The following IQCM variants were observed in gnomAD, a reference collection of about 807,000 sequenced individuals.
IQCM encodes the protein IQ motif containing M, also known as IQ domain-containing protein M.
In IQCM, 45 loss-of-function variants were observed where a neutral mutation model predicts 57.6. The observed-to-expected ratio is 0.78, with a 90% CI of 0.62 to 1.00. IQCM has a LOEUF of 1.00. Ranked by LOEUF, IQCM falls within the 50% of genes least tolerant of loss-of-function variation. IQCM has a pLI of 0.00. For missense variants in IQCM, 468 were observed against 511.6 expected (o/e 0.91, Z 0.82); for synonymous variants, 148 against 158.9 (o/e 0.93, Z 0.51).
intron 12 of IQCM, among the ~76,000 whole-genome samples, chr4:149,528,395 A>ATAC (rs755944757): frequency 0.21 from 32,544 of 152,084 alleles, 4,344 homozygotes; most frequent in Non-Finnish European, 0.29. Context: ...CAATTCTTTG[A>ATAC]GTTAAGGCAT....
intron 12 of IQCM, among the ~76,000 whole-genome samples, chr4:149,436,753 A>G (rs532052399): frequency 6.6e-6 from 1 of 151,980 alleles, no homozygotes; most frequent in African/African-American, 2.4e-5. Context: ...GCCATAAGGG[A>G]TTTAGATGTA....
chr4:149,560,458 T>C (rs1750010328), intron 10 of IQCM, among the ~76,000 whole-genome samples: 1 of 152,250 alleles, frequency 6.6e-6, no homozygotes, highest in Admixed American at 6.5e-5. Context: ...ATTATAAATA[T>C]TTAGAGAAAA....
At chr4:149,757,932 A>T (rs1769142879) in intron 2 of IQCM, among the ~76,000 whole-genome samples, 1 of 152,218 alleles carries the variant, frequency 6.6e-6, no homozygotes, top group Non-Finnish European at 1.5e-5. Flanking sequence ...ACTCCTGAAT[A>T]ACTCATTGAT....
chr4:149,677,021 G>A (rs544473674), intron 7 of IQCM, among the ~76,000 whole-genome samples: 1 of 151,990 alleles, frequency 6.6e-6, no homozygotes, highest in Non-Finnish European at 1.5e-5. Context: ...AAGAAAATTG[G>A]CACATCCACA....
chr4:149,546,671 G>GTT (rs1357983317), intron 12 of IQCM, among the ~76,000 whole-genome samples: 1 of 152,054 alleles, frequency 6.6e-6, no homozygotes, highest in African/African-American at 2.4e-5. Context: ...GGGGTTGTTT[G>GTT]TTTTTTTCTT....
intron 2 of IQCM, among the ~76,000 whole-genome samples, chr4:149,785,257 T>C (rs1412285288): frequency 6.6e-6 from 1 of 152,210 alleles, no homozygotes; most frequent in East Asian, 1.9e-4. Flanking sequence ...TAGAATTTTA[T>C]ACTCATCAAA....
intron 10 of IQCM, among the ~76,000 whole-genome samples, chr4:149,562,194 T>C (rs1252895286): frequency 2.0e-5 from 3 of 152,148 alleles, no homozygotes; most frequent in Non-Finnish European, 4.4e-5. Context: ...AAGGTAATAA[T>C]AGTGGAATTT....
chr4:149,800,873 G>T (rs1302224164), intron 2 of IQCM, among the ~76,000 whole-genome samples: 1 of 151,836 alleles, frequency 6.6e-6, no homozygotes, highest in Non-Finnish European at 1.5e-5. Flanking sequence ...TTTATGGATT[G>T]GAAGAGTCAA....
intron 8 of IQCM, among the ~76,000 whole-genome samples, chr4:149,620,071 C>T (rs1756189838): frequency 1.3e-5 from 2 of 152,082 alleles, no homozygotes; most frequent in African/African-American, 4.8e-5. Context: ...GCACAAGAAT[C>T]ACTTAAACCC....
chr4:149,400,223 T>C (rs748734499), intron 13 of IQCM, among the ~76,000 whole-genome samples: 1 of 151,268 alleles, frequency 6.6e-6, no homozygotes, highest in Non-Finnish European at 1.5e-5. Flanking sequence ...TTTGTTTGGG[T>C]TTTTGTTTTT....
At chr4:149,471,983 A>G (rs1438779341) in intron 12 of IQCM, among the ~76,000 whole-genome samples, 1 of 152,174 alleles carries the variant, frequency 6.6e-6, no homozygotes, top group African/African-American at 2.4e-5. Flanking sequence ...AAATAATAAG[A>G]GCTATTTATG....
chr4:149,571,131 T>C (rs941117961), intron 9 of IQCM, among the ~76,000 whole-genome samples: 1 of 152,044 alleles, frequency 6.6e-6, no homozygotes, highest in Non-Finnish European at 1.5e-5. Flanking sequence ...AATCCAGCTA[T>C]CCCACTCCTG....
chr4:149,734,584 T>G (rs936039136), intron 4 of IQCM, among the ~76,000 whole-genome samples: 3 of 152,164 alleles, frequency 2.0e-5, no homozygotes, highest in African/African-American at 7.2e-5. Flanking sequence ...AAAGCTTACT[T>G]AAAATTTTGT....
chr4:149,584,156 A>T (rs1242351193), intron 9 of IQCM, among the ~76,000 whole-genome samples: 2 of 151,690 alleles, frequency 1.3e-5, no homozygotes. Flanking sequence ...TTCCTTTGGC[A>T]ATTCTGATTG....
chr4:149,774,313 T>A (rs971451531), intron 2 of IQCM, among the ~76,000 whole-genome samples: 2 of 152,224 alleles, frequency 1.3e-5, no homozygotes, highest in Non-Finnish European at 2.9e-5. Flanking sequence ...ATCCAGAAGT[T>A]CTTTTTCTTG....
At chr4:149,804,158 C>A (rs1301001348) in intron 2 of IQCM, among the ~76,000 whole-genome samples, 1 of 151,956 alleles carries the variant, frequency 6.6e-6, no homozygotes, top group Non-Finnish European at 1.5e-5. Flanking sequence ...TCCTTGAGGG[C>A]AGGTCATTAT....
intron 2 of IQCM, among the ~76,000 whole-genome samples, chr4:149,782,358 T>G (rs1378386980): frequency 1.3e-5 from 2 of 152,086 alleles, no homozygotes; most frequent in African/African-American, 4.8e-5. Context: ...TTTTTCACAC[T>G]AAATATGTAA....
At chr4:149,405,040 AT>A (rs1732882225) in intron 13 of IQCM, among the ~76,000 whole-genome samples, 1 of 152,076 alleles carries the variant, frequency 6.6e-6, no homozygotes, top group South Asian at 2.1e-4. Context: ...GAAACAGAAA[AT>A]TATGTTTTGG....
At chr4:149,763,922 G>A (rs1047304843) in intron 2 of IQCM, among the ~76,000 whole-genome samples, 1 of 151,890 alleles carries the variant, frequency 6.6e-6, no homozygotes, top group African/African-American at 2.4e-5. Flanking sequence ...GGTGATCTTG[G>A]TGTTAGAGCT....
Sources: allele counts gnomAD v4.1 joint callset (sites outside exome capture counted in the v4.1 genomes callset), GRCh38; gene constraint gnomAD v4.1.1; transcripts MANE v1.5; gene names NCBI Gene and HGNC (gene_info 2026-07-23, HGNC 2026-07-21).